The following NAALADL2 variants were observed in gnomAD, a reference collection of about 807,000 sequenced individuals.
NAALADL2 encodes inactive N-acetylated-alpha-linked acidic dipeptidase-like protein 2.
In NAALADL2, 76 loss-of-function variants were observed where a neutral mutation model predicts 87.2. That is an observed-to-expected ratio of 0.87 (90% CI 0.72 to 1.05). The LOEUF is 1.05. Among genes scored for constraint, NAALADL2 ranks in the 50% least tolerant of loss-of-function variants. The probability of loss-of-function intolerance (pLI) is 0.00; values close to 1 mark genes in which losing one functional copy is unlikely to be tolerated. For synonymous variants in NAALADL2, 354 were observed against 331.0 expected, an observed-to-expected ratio of 1.07 and a Z score of -0.75; for missense variants, 1,089 against 945.8, an observed-to-expected ratio of 1.15 and a Z score of -1.99.
intron 2 of NAALADL2, among the ~76,000 whole-genome samples, chr3:174,568,775 C>T (rs1027248767): frequency 6.6e-6 from 1 of 151,516 alleles, no homozygotes; most frequent in South Asian, 2.1e-4. Context: ...ACCTTAGGTA[C>T]AATTGCTGAA....
rs867028205 is a variant in NAALADL2, at chr3:175,307,032, C to T, written c.940-17143C>T. Among the ~76,000 whole-genome samples the T allele has an allele frequency of 7.2e-5, 11 of 152,204 alleles. No homozygotes were observed. In the Middle Eastern group the frequency reaches 0.01, roughly 143 times the overall value. On this transcript the variant is annotated intron_variant, in intron 4 of 13. Coordinates refer to ENST00000454872, the MANE Select transcript of NAALADL2 (RefSeq NM_207015.3). Reference sequence around the variant, plus strand: ...AAATGCAAAGACAGGAAGATTTGCTCGCTCTTTGCCCAATAGTATACTCTT... The same window carrying T: ...AAATGCAAAGACAGGAAGATTTGCTTGCTCTTTGCCCAATAGTATACTCTT...
chr3:174,884,114 T>TCC (rs1225671467), intron 1 of NAALADL2, among the ~76,000 whole-genome samples: 3 of 152,250 alleles, frequency 2.0e-5, no homozygotes, highest in South Asian at 2.1e-4. Context: ...GCGGCATTCC[T>TCC]CCCTCTGGAA....
At chr3:175,217,539 A>G (rs2109321977) in intron 2 of NAALADL2, among the ~76,000 whole-genome samples, 1 of 152,350 alleles carries the variant, frequency 6.6e-6, no homozygotes, top group South Asian at 2.1e-4. Flanking sequence ...CCGGGCATCC[A>G]CGAGAAGTAA....
At chr3:174,959,671 T>C (rs1012121892) in intron 1 of NAALADL2, among the ~76,000 whole-genome samples, 3 of 152,058 alleles carry the variant, frequency 2.0e-5, no homozygotes, top group African/African-American at 7.2e-5. Context: ...AGTAATTTCT[T>C]ATCTCTAGGC....
chr3:175,094,812 C>A (rs1720840799), intron 1 of NAALADL2, among the ~76,000 whole-genome samples: 1 of 145,748 alleles, frequency 6.9e-6, no homozygotes, highest in Non-Finnish European at 1.5e-5. Context: ...TCCTCCTCTC[C>A]ATCTCCACAA....
chr3:175,123,063 G>A (rs1052420617), intron 2 of NAALADL2, among the ~76,000 whole-genome samples: 3 of 151,932 alleles, frequency 2.0e-5, no homozygotes, highest in Admixed American at 6.6e-5. Flanking sequence ...AAGCCCTGTG[G>A]CCTAATCACC....
rs142317815 is a variant in NAALADL2 at position 175,610,531 on chromosome 3, G to A, written c.1801-16760G>A. 3.4e-3 allele frequency among the ~76,000 whole-genome samples: 511 copies of A among 152,016 alleles called. 3 individuals carry two copies. The highest frequency in any genetic ancestry group is 0.012 in the African/African-American group (490 of 41,478). ...TAAGCCATTGTATTCTAGTTTTCTG[G>A]TCTTCCAATGAATTACCATTATTTA... On this transcript the variant is annotated intron_variant, in intron 10 of 13. Transcript: ENST00000454872.
At chr3:174,774,155 G>T (rs1001868268) in intron 3 of NAALADL2, among the ~76,000 whole-genome samples, 1 of 151,950 alleles carries the variant, frequency 6.6e-6, no homozygotes, top group Admixed American at 6.6e-5. Context: ...CCTTTGCCCT[G>T]CATATGGCCT....
intron 11 of NAALADL2, among the ~76,000 whole-genome samples, chr3:175,723,937 A>G (rs977400869): frequency 6.6e-6 from 1 of 152,004 alleles, no homozygotes; most frequent in Non-Finnish European, 1.5e-5. Flanking sequence ...TTCTTGGTCC[A>G]TTGCTGTTCA....
chr3:175,707,168 G>A (rs943256539), intron 11 of NAALADL2, among the ~76,000 whole-genome samples: 2 of 152,000 alleles, frequency 1.3e-5, no homozygotes, highest in Non-Finnish European at 2.9e-5. Context: ...CTGGACCAGG[G>A]CAAGATAGTA....
At chr3:174,519,102 T>C (rs891247908) in intron 1 of NAALADL2, among the ~76,000 whole-genome samples, 1 of 152,192 alleles carries the variant, frequency 6.6e-6, no homozygotes, top group Non-Finnish European at 1.5e-5. Flanking sequence ...ATATAAAAGA[T>C]ATTAATGAGA....
chr3:174,927,965 A>G (rs1462800616), intron 1 of NAALADL2, among the ~76,000 whole-genome samples: 1 of 152,160 alleles, frequency 6.6e-6, no homozygotes, highest in East Asian at 1.9e-4. Flanking sequence ...GTGAGCACAC[A>G]GGTAGAAATA....
At chr3:174,868,743 A>G (rs563788810) in intron 1 of NAALADL2, among the ~76,000 whole-genome samples, 9 of 152,308 alleles carry the variant, frequency 5.9e-5, no homozygotes, top group South Asian at 2.1e-4. Flanking sequence ...GGCAATAGAA[A>G]TATAATGAGA....
intron 9 of NAALADL2, among the ~76,000 whole-genome samples, chr3:175,559,793 G>A (rs539387573): frequency 6.6e-6 from 1 of 152,214 alleles, no homozygotes; most frequent in South Asian, 2.1e-4. Context: ...AACCCCACTT[G>A]ATCATGATGA....
chr3:174,773,769 C>A (rs778339689), intron 3 of NAALADL2, among the ~76,000 whole-genome samples: 3 of 152,030 alleles, frequency 2.0e-5, no homozygotes, highest in Non-Finnish European at 4.4e-5. Flanking sequence ...TAAATTCTTT[C>A]CTTTGAGAGC....
At chr3:175,633,366 T>C (rs1002489767) in intron 11 of NAALADL2, among the ~76,000 whole-genome samples, 3 of 152,106 alleles carry the variant, frequency 2.0e-5, no homozygotes, top group African/African-American at 7.2e-5. Context: ...ATCACTTTCT[T>C]GCTAAAATTT....
At chr3:174,807,324 C>A (rs187624440) in intron 3 of NAALADL2, among the ~76,000 whole-genome samples, 1 of 152,104 alleles carries the variant, frequency 6.6e-6, no homozygotes, top group Admixed American at 6.6e-5. Flanking sequence ...ACACCGATAA[C>A]TCTATTGGGT....
At chr3:174,725,086 C>T (rs1732059952) in intron 2 of NAALADL2, among the ~76,000 whole-genome samples, 1 of 152,134 alleles carries the variant, frequency 6.6e-6, no homozygotes, top group South Asian at 2.1e-4. Context: ...TATGTTTCCT[C>T]ACCCCCCAAA....
chr3:174,611,712 T>G (rs1484962087), intron 2 of NAALADL2, among the ~76,000 whole-genome samples: 6 of 152,036 alleles, frequency 3.9e-5, no homozygotes, highest in Non-Finnish European at 8.8e-5. Context: ...TGCCTTAGCC[T>G]CCTGACTAGC....
Sources: gnomAD v4.1 joint callset for allele counts (sites outside exome capture counted in the v4.1 genomes callset) on GRCh38, gnomAD v4.1.1 for gene constraint, MANE v1.5 for transcripts, NCBI Gene and HGNC (gene_info 2026-07-23, HGNC 2026-07-21) for gene names.